Variants in FAM186B observed in about 807,000 individuals in gnomAD.
FAM186B encodes the protein family with sequence similarity 186 member B.
A neutral mutation model predicts 83.4 loss-of-function variants in FAM186B; 68 were observed. The ratio of observed to expected loss-of-function variants is 0.81; its 90% CI spans 0.67 to 1.00. FAM186B has a LOEUF of 1.00. Among genes scored for constraint, FAM186B ranks in the 50% least tolerant of loss-of-function variants. FAM186B has a pLI of 0.00. For missense variants in FAM186B, 983 were observed against 1,099.2 expected, an observed-to-expected ratio of 0.89 and a Z score of 1.49; for synonymous variants, 389 against 422.0, an observed-to-expected ratio of 0.92 and a Z score of 0.96.
chr12:49,606,332 A>G (rs1739057106), upstream of FAM186B, among the ~76,000 whole-genome samples: 1 of 151,364 alleles, frequency 6.6e-6, no homozygotes, highest in Non-Finnish European at 1.5e-5. Context: ...TAGCTCTACA[A>G]AAAAATTTAA....
intron 2 of FAM186B, 64 bp from the exon 3 acceptor site, chr12:49,603,431 C>CTA: frequency 6.5e-7 from 1 of 1,541,182 alleles, no homozygotes; most frequent in Admixed American, 1.8e-5. Context: ...ACAGACAGCC[C>CTA]TATAGCACAG....
At chr12:49,594,477 A>G (rs957856376) in intron 5 of FAM186B, among the ~76,000 whole-genome samples, 2 of 152,272 alleles carry the variant, frequency 1.3e-5, no homozygotes, top group African/African-American at 4.8e-5. Flanking sequence ...TTTAATTTTT[A>G]AATTAGGCAG....
chr12:49,614,596 G>C, the FAM186B span, among the ~76,000 whole-genome samples: 3 of 152,166 alleles, frequency 2.0e-5, no homozygotes, highest in Non-Finnish European at 4.4e-5. Flanking sequence ...GGGAGAAAAG[G>C]AGGAAAGGGC....
chr12:49,588,509 A>G lies in FAM186B; in HGVS notation c.2479T>C (p.Tyr827His). The part of the protein sequence containing the change: ...PRHIRPSGPT[Y>H]KQPFLSRHRA... ...TGCCTAGACAGAAAGGGCTGCTTGTAGGTGGGGCCACTGGGGCGGATGTGC... is the reference window on the plus strand; with the variant it reads ...TGCCTAGACAGAAAGGGCTGCTTGTGGGTGGGGCCACTGGGGCGGATGTGC... Residue 827 changes from tyrosine (Y) to histidine (H), a missense_variant, in exon 6 of 7, where the codon TAC (tyrosine) becomes CAC (histidine). Tyr to His is a moderately conservative substitution (Grantham distance 83). Transcript: ENST00000257894. 2 of 1,613,508 alleles carry G rather than the reference A, an allele frequency of 1.2e-6. No homozygotes were observed. The highest frequency in any genetic ancestry group is 1.7e-6 in the Non-Finnish European group (2 of 1,179,736).
At position 49,600,345 on chromosome 12, in the gene FAM186B, G is replaced by A. The variant is rs372373930; in HGVS notation, c.1295C>T (p.Pro432Leu). Residue 432 changes from proline to leucine, a missense_variant, in exon 4 of 7, where the codon CCG (proline) becomes CTG (leucine). Transcript: ENST00000257894. The surrounding 1 kb of genome is among the most constrained non-coding windows in gnomAD (Gnocchi z 4.3). ...DRRFPKKWER[P>L]VAESLGHKDK... ...TTTGTGGCCTAAGCTTTCTGCCACC[G>A]GTCTTTCCCATTTCTTAGGAAACCT... 25 of 1,614,004 alleles carry A rather than the reference G, an allele frequency of 1.5e-5. No individual in the cohort carries two copies. The highest frequency in any genetic ancestry group is 2.7e-5 in the African/African-American group (2 of 74,896).
upstream of FAM186B, among the ~76,000 whole-genome samples, chr12:49,606,486 GAC>G (rs57458344): frequency 0.071 from 9,636 of 135,824 alleles, 324 homozygotes; most frequent in East Asian, 0.15. Flanking sequence ...TAGATACCCT[GAC>G]ACACACACAC....
intron 3 of FAM186B, 96 bp downstream of exon 3, chr12:49,603,089 G>T: frequency 3.0e-6 from 4 of 1,331,868 alleles, no homozygotes; most frequent in South Asian, 2.4e-5. Context: ...TGATGGAGGA[G>T]AATCAGAAAG....
At chr12:49,591,872 A>T (rs1391159052) in intron 5 of FAM186B, among the ~76,000 whole-genome samples, 1 of 152,192 alleles carries the variant, frequency 6.6e-6, no homozygotes, top group East Asian at 1.9e-4. Flanking sequence ...TAATATAAAC[A>T]CTATCTAAGT....
Position 49,588,501 on chromosome 12 carries a change from CT to C in FAM186B, c.2486del (p.Gln829ArgfsTer38), listed in dbSNP as rs763459678. ...ATGCCCGGTGCCTAGACAGAAAGGG[CT>C]GCTTGTAGGTGGGGCCACTGGGGCG... The part of the protein sequence containing the change: ...HIRPSGPTYK[Q>X]PFLSRHRACV... On this transcript the variant is annotated frameshift_variant, in exon 6 of 7. Coordinates refer to ENST00000257894, the MANE Select transcript of FAM186B (RefSeq NM_032130.3). LOFTEE classifies it low-confidence loss of function (END_TRUNC). 2.5e-6 allele frequency: 4 copies of C among 1,613,428 alleles called. No homozygotes were observed. The highest frequency in any genetic ancestry group is 3.4e-6 in the Non-Finnish European group (4 of 1,179,700).
the FAM186B span, among the ~76,000 whole-genome samples, chr12:49,621,226 T>C: frequency 6.6e-6 from 1 of 151,982 alleles, no homozygotes; most frequent in Non-Finnish European, 1.5e-5. Flanking sequence ...CTACTAAAAA[T>C]ACAAAAATTC....
At position 49,600,081 on chromosome 12, in the gene FAM186B, TGCC is replaced by T. The variant is rs1485495836; in HGVS notation, c.1556_1558del (p.Arg519del). The T allele has an allele frequency of 1.9e-6, 3 of 1,608,426 alleles. No individual in the cohort carries two copies. The highest frequency in any genetic ancestry group is 1.7e-6 in the Non-Finnish European group (2 of 1,177,142). ...CCTGGCCAGGTCTTCCAGATTCCACTGCCGCAGCTTCTCCTGATGCTCCTGCTC... is the reference window on the plus strand; with the variant it reads ...CCTGGCCAGGTCTTCCAGATTCCACTGCAGCTTCTCCTGATGCTCCTGCTC... On this transcript the variant is annotated inframe_deletion, in exon 4 of 7. Transcript: ENST00000257894. This position sits in a 1 kb window ranked among gnomAD's most constrained non-coding sequence, Gnocchi z 4.3.
At chr12:49,583,517 A>G (rs1349099036), downstream of FAM186B, 2 of 166,322 alleles carry the variant, frequency 1.2e-5, no homozygotes, top group South Asian at 1.5e-4. Context: ...TGTGCTGTGC[A>G]TGTGTCCTGC....
At chr12:49,601,938 G>C (rs1047225282) in intron 3 of FAM186B, among the ~76,000 whole-genome samples, 2 of 152,172 alleles carry the variant, frequency 1.3e-5, no homozygotes, top group Non-Finnish European at 2.9e-5. Flanking sequence ...TACTGAAGTT[G>C]GGCTAGCATC....
rs372110885 is a variant in FAM186B, at chr12:49,603,273, C to T, written c.417G>A (p.Pro139=). The T allele has an allele frequency of 1.2e-5, 20 of 1,614,058 alleles. No individual in the cohort carries two copies. In the African/African-American group the frequency reaches 1.3e-4, roughly 11 times the overall value. ...EWIEVTEKVL[P]LSLIATKRGI... The stretch of plus-strand genomic sequence containing the variant: ...CTCTTTTGGTGGCAATGAGGGACAG[C>T]GGTAACACTTTCTCCGTCACTTCAA... The change falls in exon 3 of 7, where the codon CCG becomes CCA. Residue 139 remains proline, a synonymous_variant. Coordinates refer to ENST00000257894, the MANE Select transcript of FAM186B (RefSeq NM_032130.3).
chr12:49,602,251 G>T (rs542951031), intron 3 of FAM186B, among the ~76,000 whole-genome samples: 1 of 152,154 alleles, frequency 6.6e-6, no homozygotes, highest in East Asian at 1.9e-4. Flanking sequence ...ATAATCTAGC[G>T]AGGGTCTAAG....
Position 49,588,489 on chromosome 12 carries a change from A to G in FAM186B, c.2499T>C (p.Ser833=), listed in dbSNP as rs1226513682. 1 of 1,613,362 alleles carries G rather than the reference A, an allele frequency of 6.2e-7. No individual in the cohort carries two copies. Among genetic ancestry groups the G allele is most frequent in the Admixed American group, 1.7e-5 (1 of 59,908 alleles). Residue 833 remains serine (S), a synonymous_variant, in exon 6 of 7, where the codon TCT becomes TCC. Transcript: ENST00000257894. ...SGPTYKQPFL[S]RHRACVPLQM... ...GCAGGGGCACACATGCCCGGTGCCT[A>G]GACAGAAAGGGCTGCTTGTAGGTGG...
At chr12:49,586,386 A>G (rs1188598236), downstream of FAM186B, among the ~76,000 whole-genome samples, 3 of 152,172 alleles carry the variant, frequency 2.0e-5, no homozygotes, top group Non-Finnish European at 4.4e-5. Flanking sequence ...CTATCCCTCT[A>G]TATTTTCAGA....
upstream of FAM186B, among the ~76,000 whole-genome samples, chr12:49,609,513 C>A (rs1173771740): frequency 6.6e-6 from 1 of 152,172 alleles, no homozygotes; most frequent in Non-Finnish European, 1.5e-5. Context: ...CCTATCCACC[C>A]CATGCCCAGA....
intron 5 of FAM186B, among the ~76,000 whole-genome samples, chr12:49,596,257 A>G (rs1196115580): frequency 6.6e-6 from 1 of 151,672 alleles, no homozygotes; most frequent in Non-Finnish European, 1.5e-5. Context: ...TAGCAAACTA[A>G]AAATAATAAA....
Sources: gnomAD v4.1 joint callset for allele counts (sites outside exome capture counted in the v4.1 genomes callset) on GRCh38, gnomAD v4.1.1 for gene constraint, Gnocchi (gnomAD v3.1) non-coding constraint, MANE v1.5 for transcripts, NCBI Gene and HGNC (gene_info 2026-07-23, HGNC 2026-07-21) for gene names.